The following DLGAP2 variants were observed in gnomAD, a reference collection of about 807,000 sequenced individuals.
The protein encoded by DLGAP2 is DLG associated protein 2, also known as disks large-associated protein 2.
In DLGAP2, 26 loss-of-function variants were observed where a neutral mutation model predicts 100.3. The observed-to-expected ratio is 0.26, with a 90% CI of 0.19 to 0.36. The LOEUF (loss-of-function observed/expected upper bound fraction) is 0.36, where lower values mean the gene tolerates loss of function less well. Ranked by LOEUF, DLGAP2 falls within the 10% of genes least tolerant of loss-of-function variation. The pLI is 1.00. For synonymous variants in DLGAP2, 886 were observed against 630.1 expected (o/e 1.41, Z -6.08); for missense variants, 1,858 against 1,453.2 (o/e 1.28, Z -4.53).
At chr8:791,285 G>T (rs1822020049) in intron 1 of DLGAP2, among the ~76,000 whole-genome samples, 1 of 152,160 alleles carries the variant, frequency 6.6e-6, no homozygotes. Flanking sequence ...CCATTTCTGG[G>T]AATTGTGTCA....
At chr8:1,509,560 T>A (rs948284280) in intron 4 of DLGAP2, among the ~76,000 whole-genome samples, 3 of 152,032 alleles carry the variant, frequency 2.0e-5, no homozygotes, top group African/African-American at 7.3e-5. Flanking sequence ...GTCGCTTTTG[T>A]GCTGTCTCGG....
chr8:1,634,043 C>T (rs1797712798), intron 8 of DLGAP2, among the ~76,000 whole-genome samples: 1 of 152,196 alleles, frequency 6.6e-6, no homozygotes, highest in Admixed American at 6.5e-5. Context: ...GCAGTCGGCA[C>T]TATCATTGCA....
intron 3 of DLGAP2, among the ~76,000 whole-genome samples, chr8:1,286,903 C>T (rs1489544963): frequency 6.6e-6 from 1 of 152,196 alleles, no homozygotes; most frequent in Non-Finnish European, 1.5e-5. Context: ...AGAATGAGAA[C>T]GTTAAATACA....
intron 2 of DLGAP2, among the ~76,000 whole-genome samples, chr8:1,200,984 G>C (rs867969931): frequency 6.6e-6 from 1 of 152,206 alleles, no homozygotes; most frequent in African/African-American, 2.4e-5. Flanking sequence ...CTTAGGGAAA[G>C]AAGGCGCGGC....
intron 2 of DLGAP2, among the ~76,000 whole-genome samples, chr8:917,701 C>T (rs1798625501): frequency 6.6e-6 from 1 of 152,164 alleles, no homozygotes; most frequent in Non-Finnish European, 1.5e-5. Flanking sequence ...CTGCCTCAGC[C>T]TCCTGAGTAG....
chr8:1,668,873 G>A (rs540968525), intron 9 of DLGAP2, among the ~76,000 whole-genome samples, 195 bp downstream of exon 9: 16 of 152,322 alleles, frequency 1.1e-4, no homozygotes, highest in South Asian at 4.1e-4. Context: ...GGAGACCCCC[G>A]AGGTGATGCG....
intron 1 of DLGAP2, among the ~76,000 whole-genome samples, chr8:897,667 CCGGCAGCCG>C (rs1036012874): frequency 6.6e-6 from 1 of 152,184 alleles, no homozygotes; most frequent in Non-Finnish European, 1.5e-5. Flanking sequence ...CTTCCCTGCC[CCGGCAGCCG>C]CTCTCCTCCC....
intron 2 of DLGAP2, among the ~76,000 whole-genome samples, chr8:1,244,150 A>G (rs1003072732): frequency 2.6e-5 from 4 of 152,212 alleles, no homozygotes; most frequent in Non-Finnish European, 5.9e-5. Flanking sequence ...GCTCCTGTAC[A>G]TGCCAGAGGC....
intron 2 of DLGAP2, among the ~76,000 whole-genome samples, chr8:1,235,111 C>T (rs570255709): frequency 2.4e-4 from 6 of 25,018 alleles, no homozygotes; most frequent in Non-Finnish European, 6.5e-4. Context: ...CTAGTTCTCT[C>T]ACACATGGCG....
chr8:828,206 C>G (rs1469330772), intron 1 of DLGAP2, among the ~76,000 whole-genome samples: 1 of 152,160 alleles, frequency 6.6e-6, no homozygotes, highest in Non-Finnish European at 1.5e-5. Context: ...TGAGATCAAC[C>G]AGTCTGACCA....
intron 3 of DLGAP2, among the ~76,000 whole-genome samples, chr8:1,387,279 T>G (rs1796242164): frequency 6.6e-6 from 1 of 152,222 alleles, no homozygotes; most frequent in South Asian, 2.1e-4. Flanking sequence ...TATAGTATTA[T>G]CAGATTTTTG....
At chr8:1,409,319 A>G (rs985627944) in intron 3 of DLGAP2, among the ~76,000 whole-genome samples, 4 of 146,718 alleles carry the variant, frequency 2.7e-5, no homozygotes, top group African/African-American at 7.6e-5. Context: ...CTTCCTCACC[A>G]TAGCAGGCGC....
intron 12 of DLGAP2, among the ~76,000 whole-genome samples, chr8:1,683,755 G>C (rs1405737050): frequency 6.9e-6 from 1 of 144,886 alleles, no homozygotes; most frequent in African/African-American, 2.6e-5. Context: ...CTCAGTTATG[G>C]AGGCTGGGAG....
chr8:1,157,205 C>T (rs575206319), intron 2 of DLGAP2, among the ~76,000 whole-genome samples: 2 of 152,094 alleles, frequency 1.3e-5, no homozygotes, highest in Non-Finnish European at 2.9e-5. Context: ...TTCCGTACCC[C>T]GTGTGTGAAG....
chr8:1,565,076 A>T (rs1015556928), intron 5 of DLGAP2, among the ~76,000 whole-genome samples: 6 of 152,246 alleles, frequency 3.9e-5, no homozygotes, highest in African/African-American at 1.4e-4. Flanking sequence ...GATATATAAC[A>T]TGAGCGGGTG....
At chr8:1,446,378 G>T (rs1315644920) in intron 3 of DLGAP2, among the ~76,000 whole-genome samples, 1 of 152,016 alleles carries the variant, frequency 6.6e-6, no homozygotes, top group African/African-American at 2.4e-5. Flanking sequence ...TTTTTGTCAG[G>T]TTTGTCAAAG....
intron 2 of DLGAP2, among the ~76,000 whole-genome samples, chr8:1,194,140 C>T (rs1167614405): frequency 6.6e-6 from 1 of 152,044 alleles, no homozygotes; most frequent in East Asian, 1.9e-4. Flanking sequence ...GAGTAAGACA[C>T]AGTCCCTACC....
At chr8:1,138,828 A>T (rs1480480876) in intron 2 of DLGAP2, among the ~76,000 whole-genome samples, 2 of 141,514 alleles carry the variant, frequency 1.4e-5, no homozygotes, top group Admixed American at 1.4e-4. Context: ...TTTATTTACT[A>T]GTCCTGGCCT....
At chr8:1,229,734 C>A (rs56390844) in intron 2 of DLGAP2, among the ~76,000 whole-genome samples, 4,394 of 152,240 alleles carry the variant, frequency 0.029, 209 homozygotes, top group African/African-American at 0.099. Context: ...TCAATAAATG[C>A]AGTTCACCAC....
Sources: gnomAD v4.1 joint callset for allele counts (sites outside exome capture counted in the v4.1 genomes callset) on GRCh38, gnomAD v4.1.1 for gene constraint, MANE v1.5 for transcripts, NCBI Gene and HGNC (gene_info 2026-07-23, HGNC 2026-07-21) for gene names.